The following SAMD8 variants were observed in gnomAD, a reference collection of about 807,000 sequenced individuals.
SAMD8 encodes sterile alpha motif domain containing 8.
A neutral mutation model predicts 42.0 loss-of-function variants in SAMD8; 20 were observed. That is an observed-to-expected ratio of 0.48 (90% CI 0.34 to 0.69). The LOEUF (loss-of-function observed/expected upper bound fraction) is 0.69. Ranked by LOEUF, SAMD8 falls within the 30% of genes least tolerant of loss-of-function variation. The pLI, the probability that SAMD8 is intolerant of heterozygous loss-of-function variation, is 0.01. For synonymous variants in SAMD8, 162 were observed against 173.0 expected (o/e 0.94, Z 0.50); for missense variants, 328 against 511.6 (o/e 0.64, Z 3.46).
upstream of SAMD8, chr10:75,108,328 C>T (rs758480449): frequency 8.1e-5 from 118 of 1,455,270 alleles, no homozygotes; most frequent in Non-Finnish European, 1.0e-4. Flanking sequence ...AGTCCAACCC[C>T]AGCAAGCTCC....
At chr10:75,110,977 G>T (rs1330753121), upstream of SAMD8, among the ~76,000 whole-genome samples, 2 of 151,978 alleles carry the variant, frequency 1.3e-5, no homozygotes, top group African/African-American at 4.8e-5. Flanking sequence ...CACCACGCCC[G>T]GCTAATTTTT....
intron 2 of SAMD8, among the ~76,000 whole-genome samples, chr10:75,157,891 G>A (rs576534261): frequency 1.3e-5 from 2 of 152,326 alleles, no homozygotes; most frequent in South Asian, 2.1e-4. Context: ...CGGGCGCGGT[G>A]TCTCACGCCT....
upstream of SAMD8, chr10:75,108,220 C>A: frequency 6.3e-7 from 1 of 1,585,264 alleles, no homozygotes; most frequent in Admixed American, 1.7e-5. Flanking sequence ...CTGGGGAGGG[C>A]AGGAAGGGCA....
At chr10:75,135,643 G>GA (rs1564681642) in intron 1 of SAMD8, among the ~76,000 whole-genome samples, 1 of 151,694 alleles carries the variant, frequency 6.6e-6, no homozygotes, top group African/African-American at 2.4e-5. Flanking sequence ...GGCTAACATG[G>GA]TGAAACCCTC....
chr10:75,131,314 C>T (rs1375405715), intron 1 of SAMD8, among the ~76,000 whole-genome samples: 3 of 152,204 alleles, frequency 2.0e-5, no homozygotes, highest in East Asian at 3.8e-4. Flanking sequence ...TGCCTTTGCA[C>T]ACATCTTATT....
In SAMD8 at chr10:75,111,680, C is replaced by T. The variant is rs933225983; in HGVS notation, c.-58C>T. 3 of 1,239,210 alleles carry T rather than the reference C, an allele frequency of 2.4e-6. No homozygotes were observed. Among genetic ancestry groups the T allele is most frequent in the Non-Finnish European group, 3.0e-6 (3 of 991,800 alleles). The allele number at this position is 1,239,210 out of a possible 1,614,324, so 76.8% of individuals were successfully genotyped here. ...CGGACTCCGACGGCGGCTCGGACGC[C>T]GACTCGGAGGTGGGTCCGGGGAGCC... On this transcript the variant is annotated 5_prime_UTR_variant, in exon 1 of 6. Transcript: ENST00000542569.
At chr10:75,128,600 T>C (rs1228782418) in intron 1 of SAMD8, among the ~76,000 whole-genome samples, 1 of 152,166 alleles carries the variant, frequency 6.6e-6, no homozygotes, top group Non-Finnish European at 1.5e-5. Context: ...TCATATAAAG[T>C]ACAAATGCAG....
At chr10:75,168,467 T>G (rs775252173) in intron 3 of SAMD8, 74 bp from the exon 4 acceptor site, 2 of 1,582,392 alleles carry the variant, frequency 1.3e-6, no homozygotes, top group Non-Finnish European at 1.7e-6. Flanking sequence ...TTCCTTGAAG[T>G]AAATATTTGA....
intron 1 of SAMD8, among the ~76,000 whole-genome samples, chr10:75,137,082 C>T (rs1441461521): frequency 6.6e-6 from 1 of 152,014 alleles, no homozygotes; most frequent in Admixed American, 6.6e-5. Flanking sequence ...TAGGTATATA[C>T]CTGAAGTAAA....
chr10:75,122,076 T>A (rs1205207029), intron 1 of SAMD8, among the ~76,000 whole-genome samples: 5 of 152,180 alleles, frequency 3.3e-5, no homozygotes. Context: ...TTTCTTTCTT[T>A]TTTCAAAATC....
rs1840632256 is a variant in SAMD8, at chr10:75,164,567, A to G, written c.579-78A>G. 2.6e-6 allele frequency: 4 copies of G among 1,551,772 alleles called. No homozygotes were observed. In the East Asian group the frequency reaches 9.0e-5, roughly 35 times the overall value. ...AAAACCAATTTTAAGGTCATTATTAAAAGAGCACCTTACTGAAAAGGGTGG... is the reference window on the plus strand; with the variant it reads ...AAAACCAATTTTAAGGTCATTATTAGAAGAGCACCTTACTGAAAAGGGTGG... On this transcript the variant is annotated intron_variant, in intron 2 of 5. Transcript: ENST00000542569.
intron 2 of SAMD8, 69 bp from the exon 3 acceptor site, chr10:75,164,576 C>G (rs576847130): frequency 1.3e-6 from 2 of 1,559,144 alleles, no homozygotes; most frequent in African/African-American, 2.7e-5. Context: ...AAAAGAGCAC[C>G]TTACTGAAAA....
chr10:75,168,089 C>T (rs991531558), intron 3 of SAMD8, among the ~76,000 whole-genome samples: 22 of 152,134 alleles, frequency 1.4e-4, no homozygotes, highest in African/African-American at 5.1e-4. Flanking sequence ...CTCCACCTCC[C>T]GGGTTCAAGT....
intron 1 of SAMD8, among the ~76,000 whole-genome samples, chr10:75,101,666 A>G (rs1442709391): frequency 6.6e-6 from 1 of 152,144 alleles, no homozygotes; most frequent in Non-Finnish European, 1.5e-5. Context: ...CACATAGCCA[A>G]TTGATGTGGG....
intron 1 of SAMD8, among the ~76,000 whole-genome samples, chr10:75,126,499 C>CTTTTTTTTT: frequency 8.7e-6 from 1 of 115,556 alleles, no homozygotes; most frequent in Non-Finnish European, 1.8e-5. Flanking sequence ...AGTGCTTTTG[C>CTTTTTTTTT]TTTTTTTTTT....
intron 2 of SAMD8, among the ~76,000 whole-genome samples, chr10:75,161,923 G>T (rs1331110865): frequency 2.6e-5 from 4 of 152,136 alleles, no homozygotes; most frequent in Non-Finnish European, 5.9e-5. Context: ...TATAATCCCA[G>T]CTACTCGGGA....
chr10:75,164,553 TA>T, intron 2 of SAMD8, 91 bp from the exon 3 acceptor site: 10 of 1,523,328 alleles, frequency 6.6e-6, no homozygotes, highest in Non-Finnish European at 8.8e-6. Flanking sequence ...AAACCAATTT[TA>T]AGGTCATTAT....
chr10:75,163,524 C>G (rs1564693269), intron 2 of SAMD8, among the ~76,000 whole-genome samples: 1 of 152,172 alleles, frequency 6.6e-6, no homozygotes, highest in Non-Finnish European at 1.5e-5. Flanking sequence ...ACCTCTGCCT[C>G]CCAGGCTCAA....
chr10:75,167,856 G>T (rs941322564), intron 3 of SAMD8, among the ~76,000 whole-genome samples: 2 of 152,150 alleles, frequency 1.3e-5, no homozygotes, highest in Non-Finnish European at 2.9e-5. Context: ...GCCTCCCAAA[G>T]GGCTGCAATT....
Sources: allele counts gnomAD v4.1 joint callset (sites outside exome capture counted in the v4.1 genomes callset), GRCh38; gene constraint gnomAD v4.1.1; transcripts MANE v1.5; gene names NCBI Gene and HGNC (gene_info 2026-07-23, HGNC 2026-07-21).